Variants in NSRP1 observed in about 807,000 individuals in gnomAD.
The protein encoded by NSRP1 is coiled-coil domain containing 55.
A neutral mutation model predicts 54.7 loss-of-function variants in NSRP1; 24 were observed. That is an observed-to-expected ratio of 0.44 (90% confidence interval 0.32 to 0.62). NSRP1 has a LOEUF of 0.62. Ranked by LOEUF, NSRP1 falls within the 20% of genes least tolerant of loss-of-function variation. NSRP1 has a pLI of 0.06. For synonymous variants in NSRP1, 210 were observed against 213.8 expected (o/e 0.98, Z 0.15); for missense variants, 596 against 651.2 (o/e 0.92, Z 0.92).
chr17:30,127,263 A>G (rs1232425215), intron 2 of NSRP1, among the ~76,000 whole-genome samples: 1 of 152,226 alleles, frequency 6.6e-6, no homozygotes, highest in Non-Finnish European at 1.5e-5. Flanking sequence ...TTTATCTATG[A>G]TAAATGCCTG....
intron 2 of NSRP1, among the ~76,000 whole-genome samples, chr17:30,166,720 C>T (rs568020423): frequency 2.0e-5 from 3 of 152,176 alleles, no homozygotes; most frequent in Admixed American, 6.5e-5. Flanking sequence ...GCCAGGAGTT[C>T]GAGACCAGCC....
At chr17:30,162,212 A>C (rs1053619898) in intron 2 of NSRP1, among the ~76,000 whole-genome samples, 12 of 151,906 alleles carry the variant, frequency 7.9e-5, no homozygotes, top group Non-Finnish European at 1.3e-4. Context: ...TTTTACTTTT[A>C]GTAGAGATGG....
At chr17:30,131,381 A>G (rs2071698121) in intron 2 of NSRP1, among the ~76,000 whole-genome samples, 1 of 152,026 alleles carries the variant, frequency 6.6e-6, no homozygotes, top group Admixed American at 6.5e-5. Context: ...TGATAGTTCA[A>G]AGATACACAG....
chr17:30,179,171 A>C lies in NSRP1; in HGVS notation c.382A>C (p.Arg128=). The C allele has an allele frequency of 6.2e-7, 1 of 1,609,600 alleles. No homozygotes were observed. Among genetic ancestry groups the C allele is most frequent in the Non-Finnish European group, 8.5e-7 (1 of 1,177,502 alleles). ...AAAAAGAATGGAAAAGAAAATACAGAGAGAACGAGAAATGGAAAAGGGGGA... is the reference window on the plus strand; with the variant it reads ...AAAAAGAATGGAAAAGAAAATACAGCGAGAACGAGAAATGGAAAAGGGGGA... The part of the protein sequence containing the change: ...QEKRMEKKIQ[R]EREMEKGEFD... The change falls in exon 5 of 7, where the codon AGA becomes CGA. Residue 128 remains arginine, a synonymous_variant. Coordinates refer to ENST00000247026, the MANE Select transcript of NSRP1 (RefSeq NM_032141.4).
chr17:30,161,069 A>C (rs1020901249), intron 2 of NSRP1, among the ~76,000 whole-genome samples: 6 of 152,222 alleles, frequency 3.9e-5, no homozygotes, highest in Non-Finnish European at 8.8e-5. Context: ...AAGAAAGAAC[A>C]GACTTGATAC....
chr17:30,126,285 G>A (rs954888715), intron 2 of NSRP1, among the ~76,000 whole-genome samples: 2 of 152,090 alleles, frequency 1.3e-5, no homozygotes, highest in African/African-American at 2.4e-5. Flanking sequence ...TCCATAAAAA[G>A]TACACTGTCG....
intron 2 of NSRP1, among the ~76,000 whole-genome samples, chr17:30,171,596 C>CG (rs1365953167): frequency 2.6e-5 from 4 of 152,032 alleles, no homozygotes; most frequent in Non-Finnish European, 5.9e-5. Flanking sequence ...CATGAGCCAC[C>CG]GCGCCTGGCC....
chr17:30,126,524 C>A (rs1221033753), intron 2 of NSRP1, among the ~76,000 whole-genome samples: 4 of 152,206 alleles, frequency 2.6e-5, no homozygotes, highest in Non-Finnish European at 5.9e-5. Flanking sequence ...TGTTTACATA[C>A]ATGTCTTGTC....
chr17:30,179,977 C>T (rs1316630382), intron 5 of NSRP1, among the ~76,000 whole-genome samples: 3 of 151,788 alleles, frequency 2.0e-5, no homozygotes, highest in African/African-American at 7.3e-5. Context: ...GCTGGGACTA[C>T]GGGAACATAC....
chr17:30,118,098 A>G lies in NSRP1; in HGVS notation c.39A>G (p.Pro13=). 1.4e-5 allele frequency: 23 copies of G among 1,613,886 alleles called. No homozygotes were observed. Among genetic ancestry groups the G allele is most frequent in the Non-Finnish European group, 1.9e-5 (23 of 1,179,852 alleles). ...IPGRQYGLIL[P]KKTQQLHPVL... ...TATGCAGGTATGGGCTTATTTTGCC[A>G]AAGAAAACACAGCAGTTGCACCCTG... Residue 13 remains proline (P), a synonymous_variant, in exon 2 of 7, where the codon CCA becomes CCG. Transcript: ENST00000247026.
At chr17:30,122,349 T>TGTGTGTGTGTGTATATATATATATATA (rs1481107161) in intron 2 of NSRP1, 3 of 72,316 alleles carry the variant, frequency 4.1e-5, no homozygotes, top group African/African-American at 1.1e-4. Context: ...ATAACTCTGG[T>TGTGTGTGTGTGTATATATATATATATA]TTCATATATA....
chr17:30,121,815 C>T (rs1224512138), intron 2 of NSRP1, among the ~76,000 whole-genome samples: 2 of 152,080 alleles, frequency 1.3e-5, no homozygotes, highest in Non-Finnish European at 2.9e-5. Context: ...TGATCCACCT[C>T]GCCCGGCCTC....
At position 30,185,308 on chromosome 17, in the gene NSRP1, A is replaced by G. The variant is rs1905486786; in HGVS notation, c.1311A>G (p.Arg437=). ...RYENNDKYRD[R]EKREVGVQSS... ...AAAATAATGATAAATACAGAGATAG[A>G]GAAAAACGAGAGGTAGGTGTTCAGT... The change falls in exon 7 of 7, where the codon AGA becomes AGG. Residue 437 remains arginine, a synonymous_variant. Coordinates refer to ENST00000247026, the MANE Select transcript of NSRP1 (RefSeq NM_032141.4). 5.0e-6 allele frequency: 8 copies of G among 1,605,434 alleles called. No individual in the cohort carries two copies. The highest frequency in any genetic ancestry group is 1.1e-5 in the South Asian group (1 of 88,516).
intron 2 of NSRP1, among the ~76,000 whole-genome samples, chr17:30,164,018 T>G (rs112737443): frequency 5.3e-5 from 8 of 151,574 alleles, no homozygotes; most frequent in African/African-American, 1.7e-4. Context: ...ATAATGTGTA[T>G]GTGTGTGTGT....
intron 2 of NSRP1, among the ~76,000 whole-genome samples, chr17:30,131,704 G>T (rs1467923165): frequency 1.3e-5 from 2 of 151,994 alleles, no homozygotes; most frequent in Non-Finnish European, 2.9e-5. Context: ...CTGAAGGCTG[G>T]GTGGCCGTAG....
intron 2 of NSRP1, among the ~76,000 whole-genome samples, chr17:30,166,781 C>G (rs1007928497): frequency 6.6e-6 from 1 of 152,144 alleles, no homozygotes; most frequent in East Asian, 1.9e-4. Flanking sequence ...AAAAAATTAG[C>G]CACGCATGGT....
intron 3 of NSRP1, among the ~76,000 whole-genome samples, chr17:30,175,487 G>A (rs1171975989): frequency 6.6e-6 from 1 of 151,976 alleles, no homozygotes; most frequent in East Asian, 1.9e-4. Context: ...AGGCTGGAGT[G>A]CAGCGGCACG....
intron 2 of NSRP1, among the ~76,000 whole-genome samples, chr17:30,134,402 C>T (rs1044750223): frequency 4.6e-5 from 7 of 152,194 alleles, no homozygotes; most frequent in Non-Finnish European, 1.0e-4. Flanking sequence ...GATAGACTTA[C>T]TCAATGCTGG....
intron 2 of NSRP1, among the ~76,000 whole-genome samples, chr17:30,130,079 C>T (rs888457959): frequency 3.3e-5 from 5 of 151,980 alleles, no homozygotes; most frequent in African/African-American, 7.2e-5. Context: ...TTCTGTCCTC[C>T]TTATTTTTCT....
Sources: gnomAD v4.1 joint callset for allele counts (sites outside exome capture counted in the v4.1 genomes callset) on GRCh38, gnomAD v4.1.1 for gene constraint, MANE v1.5 for transcripts, NCBI Gene and HGNC (gene_info 2026-07-23, HGNC 2026-07-21) for gene names.